The following NGLY1 variants were observed in gnomAD, a reference collection of about 807,000 sequenced individuals.
NGLY1 encodes peptide-N(4)-(N-acetyl-beta-glucosaminyl)asparagine amidase.
Under a neutral mutation model 84.6 loss-of-function variants are expected in NGLY1, and 68 were observed. The observed-to-expected ratio is 0.80, with a 90% CI of 0.66 to 0.98. The LOEUF is 0.98. NGLY1 is among the 50% of genes least tolerant of loss of function. The pLI, the probability that NGLY1 is intolerant of heterozygous loss-of-function variation, is 0.00. For synonymous variants in NGLY1, 280 were observed against 275.2 expected (o/e 1.02, Z -0.17); for missense variants, 779 against 770.2 (o/e 1.01, Z -0.14).
intron 10 of NGLY1, among the ~76,000 whole-genome samples, chr3:25,721,131 C>A (rs1407262428): frequency 6.6e-6 from 1 of 152,182 alleles, no homozygotes; most frequent in Non-Finnish European, 1.5e-5. Context: ...CACTCTGTCA[C>A]CCAGGCTGGA....
At chr3:25,752,501 T>A (rs955972246) in intron 3 of NGLY1, among the ~76,000 whole-genome samples, 9 of 152,162 alleles carry the variant, frequency 5.9e-5, no homozygotes, top group African/African-American at 2.2e-4. Context: ...ATTACAGGCA[T>A]AAGCCACCAC....
At chr3:25,757,430 A>G (rs899976568) in intron 3 of NGLY1, among the ~76,000 whole-genome samples, 3 of 152,198 alleles carry the variant, frequency 2.0e-5, no homozygotes, top group African/African-American at 7.2e-5. Context: ...GGGCTGTTGT[A>G]AGGGTTCGAC....
intron 11 of NGLY1, 83 bp from the exon 12 acceptor site, chr3:25,719,718 G>A: frequency 5.6e-6 from 6 of 1,078,992 alleles, no homozygotes; most frequent in Non-Finnish European, 8.0e-6. Flanking sequence ...TTTTATATAG[G>A]CTGATGTATA....
At chr3:25,760,412 CTTCATT>C (rs1707251480) in intron 3 of NGLY1, among the ~76,000 whole-genome samples, 1 of 152,098 alleles carries the variant, frequency 6.6e-6, no homozygotes, top group Admixed American at 6.5e-5. Context: ...CAGATCACAT[CTTCATT>C]TTTAACATAC....
intron 4 of NGLY1, 76 bp downstream of exon 4, chr3:25,751,022 C>G: frequency 7.1e-7 from 1 of 1,415,738 alleles, no homozygotes; most frequent in Non-Finnish European, 9.7e-7. Context: ...CTTCAAGGGT[C>G]AGTTGTATTT....
At chr3:25,771,071 G>GT (rs1168011079) in intron 2 of NGLY1, among the ~76,000 whole-genome samples, 4 of 152,050 alleles carry the variant, frequency 2.6e-5, no homozygotes, top group Non-Finnish European at 4.4e-5. Context: ...ATTTATCTTT[G>GT]TTTTTATTGC....
intron 3 of NGLY1, among the ~76,000 whole-genome samples, chr3:25,762,382 C>T (rs1707361374): frequency 6.6e-6 from 1 of 152,026 alleles, no homozygotes; most frequent in East Asian, 1.9e-4. Flanking sequence ...TCCAGTGATC[C>T]ACGAATAACC....
intron 3 of NGLY1, among the ~76,000 whole-genome samples, chr3:25,758,383 C>T (rs1203950622): frequency 2.6e-5 from 4 of 151,992 alleles, no homozygotes; most frequent in Admixed American, 2.0e-4. Flanking sequence ...CCAGACCACC[C>T]TGAGCAACAT....
At chr3:25,745,435 C>T (rs544615112) in intron 4 of NGLY1, among the ~76,000 whole-genome samples, 255 of 152,278 alleles carry the variant, frequency 1.7e-3, no homozygotes, top group African/African-American at 5.8e-3. Context: ...ATTTCCAGGC[C>T]TATGTTTTCA....
intron 9 of NGLY1, among the ~76,000 whole-genome samples, chr3:25,731,472 G>A (rs981585908): frequency 3.3e-5 from 5 of 151,986 alleles, no homozygotes; most frequent in East Asian, 1.9e-4. Flanking sequence ...CAAAGATGTC[G>A]AAAAACTTCA....
At chr3:25,720,716 CCTT>C (rs1704941713) in intron 10 of NGLY1, among the ~76,000 whole-genome samples, 1 of 152,158 alleles carries the variant, frequency 6.6e-6, no homozygotes, top group Non-Finnish European at 1.5e-5. Context: ...GCTCCCTGTT[CCTT>C]CATCAACGCC....
intron 9 of NGLY1, among the ~76,000 whole-genome samples, chr3:25,731,906 G>A (rs1253619582): frequency 4.6e-5 from 7 of 152,050 alleles, no homozygotes; most frequent in Non-Finnish European, 7.4e-5. Flanking sequence ...GATTACTTTC[G>A]AGGGTGTAAG....
In NGLY1 at chr3:25,763,222, C is replaced by A. The variant is rs1359737865; in HGVS notation, c.492+844G>T. 6.6e-5 allele frequency among the ~76,000 whole-genome samples: 10 copies of A among 152,200 alleles called. No homozygotes were observed. The South Asian group carries it at 2.1e-3, about 32-fold the overall frequency. On this transcript the variant is annotated intron_variant, in intron 3 of 11. Coordinates refer to ENST00000280700, the MANE Select transcript of NGLY1 (RefSeq NM_018297.4). ...AGGACACTAACAAAATACTACTTAGCCCAGGAAAGAGATATTTTGTAAAAT... is the reference window on the plus strand; with the variant it reads ...AGGACACTAACAAAATACTACTTAGACCAGGAAAGAGATATTTTGTAAAAT...
chr3:25,770,159 T>C (rs1028805582), intron 2 of NGLY1, among the ~76,000 whole-genome samples: 7 of 152,202 alleles, frequency 4.6e-5, no homozygotes, highest in Admixed American at 3.9e-4. Context: ...GTATTCCACT[T>C]TTTTGTTTGA....
chr3:25,760,848 GAA>G (rs1194136033), intron 3 of NGLY1, among the ~76,000 whole-genome samples: 14 of 63,594 alleles, frequency 2.2e-4, no homozygotes, highest in African/African-American at 7.8e-4. Context: ...CAACAAGAGT[GAA>G]ACTCTGTCTC....
At chr3:25,778,952 T>A (rs1274607177) in intron 1 of NGLY1, among the ~76,000 whole-genome samples, 2 of 78,608 alleles carry the variant, frequency 2.5e-5, no homozygotes, top group African/African-American at 7.1e-5. Flanking sequence ...TTTTTTTTTT[T>A]GAGAGAGGGG....
intron 5 of NGLY1, among the ~76,000 whole-genome samples, chr3:25,738,946 TA>T (rs1705983616): frequency 6.6e-6 from 1 of 152,194 alleles, no homozygotes; most frequent in East Asian, 1.9e-4. Context: ...ATTTAAAATT[TA>T]AAATGTCCTT....
chr3:25,755,598 GT>G lies in NGLY1; in HGVS notation c.493-4336del. ...AAATATTCTTATTCCCATCAACATG[GT>G]TTCATCATAGAACACAGCCAATGAA... On this transcript the variant is annotated intron_variant, in intron 3 of 11. Coordinates refer to ENST00000280700, the MANE Select transcript of NGLY1 (RefSeq NM_018297.4). The G allele has an allele frequency of 6.1e-6, 9 of 1,475,276 alleles. No homozygotes were observed. In the South Asian group the frequency reaches 9.1e-5, roughly 15 times the overall value. The allele number at this position is 1,475,276 out of a possible 1,614,324, so 91.4% of individuals were successfully genotyped here. A position where few individuals can be genotyped will look rare whatever the true frequency, so the allele number is the denominator to read the frequency against.
At chr3:25,779,001 C>T (rs920388305) in intron 1 of NGLY1, among the ~76,000 whole-genome samples, 40 of 133,688 alleles carry the variant, frequency 3.0e-4, no homozygotes, top group African/African-American at 1.1e-3. Flanking sequence ...AGTGGCGTGA[C>T]CTCGGCTCAC....
Sources: gnomAD v4.1 joint callset for allele counts (sites outside exome capture counted in the v4.1 genomes callset) on GRCh38, gnomAD v4.1.1 for gene constraint, MANE v1.5 for transcripts, NCBI Gene and HGNC (gene_info 2026-07-23, HGNC 2026-07-21) for gene names.